Variants in SGCD observed in about 807,000 individuals in gnomAD.
SGCD encodes sarcoglycan delta.
A neutral mutation model predicts 36.6 loss-of-function variants in SGCD; 18 were observed. The observed-to-expected ratio is 0.49, with a 90% CI of 0.34 to 0.73. The LOEUF (loss-of-function observed/expected upper bound fraction) is 0.73. Among genes scored for constraint, SGCD ranks in the 30% least tolerant of loss-of-function variants. SGCD has a pLI of 0.01. For missense variants in SGCD, 387 were observed against 346.7 expected (o/e 1.12, Z -0.92); for synonymous variants, 133 against 130.6 (o/e 1.02, Z -0.12).
At chr5:156,129,557 G>A in intron 3 of SGCD, among the ~76,000 whole-genome samples, 1 of 152,178 alleles carries the variant, frequency 6.6e-6, no homozygotes, top group East Asian at 1.9e-4. Flanking sequence ...GCGTCACAGG[G>A]GTTTGCTGTA....
chr5:155,798,022 A>G, the SGCD span, among the ~76,000 whole-genome samples: 13 of 152,296 alleles, frequency 8.5e-5, no homozygotes, highest in Admixed American at 7.2e-4. Context: ...ACCCACTGGG[A>G]AAACAGGTAG....
chr5:156,070,704 T>C (rs553129791), intron 1 of SGCD, among the ~76,000 whole-genome samples: 1 of 152,188 alleles, frequency 6.6e-6, no homozygotes, highest in African/African-American at 2.4e-5. Flanking sequence ...TCAGAAGGAA[T>C]GGTACCAGTT....
Position 155,959,525 on chromosome 5 carries a change from A to T in SGCD, c.-282+89101A>T, listed in dbSNP as rs183556413. On this transcript the variant is annotated intron_variant, in intron 1 of 9. Transcript: ENST00000517913. The stretch of plus-strand genomic sequence containing the variant: ...CCAATTATCCTAAGACTCCCCCAAC[A>T]TTATGGTTTAGAAAGCCTTATGTTA... Among the ~76,000 whole-genome samples, 31 of 152,176 alleles carry T rather than the reference A, an allele frequency of 2.0e-4. No homozygotes were observed. The East Asian group carries it at 6.0e-3, about 30-fold the overall frequency.
chr5:156,360,799 C>G (rs532247748), intron 3 of SGCD, among the ~76,000 whole-genome samples: 3 of 152,088 alleles, frequency 2.0e-5, no homozygotes, highest in African/African-American at 2.4e-5. Flanking sequence ...CTACTGAGAG[C>G]CATTTTCATC....
chr5:156,184,289 A>G (rs1763680152), intron 3 of SGCD, among the ~76,000 whole-genome samples: 1 of 152,034 alleles, frequency 6.6e-6, no homozygotes, highest in Admixed American at 6.5e-5. Flanking sequence ...GATGGTGACC[A>G]TCTGTCCTAG....
the SGCD span, among the ~76,000 whole-genome samples, chr5:155,739,441 A>C: frequency 2.6e-3 from 401 of 152,354 alleles, 3 homozygotes; most frequent in Non-Finnish European, 4.3e-3. Flanking sequence ...TTGATTCCTA[A>C]GAGAGCTGCT....
At chr5:156,404,521 G>A (rs776871660) in intron 3 of SGCD, among the ~76,000 whole-genome samples, 9 of 152,120 alleles carry the variant, frequency 5.9e-5, no homozygotes, top group Non-Finnish European at 1.3e-4. Context: ...TTTACCCCTA[G>A]TACATCCAGA....
chr5:156,110,120 T>A (rs542050307), intron 1 of SGCD, among the ~76,000 whole-genome samples: 60 of 152,326 alleles, frequency 3.9e-4, no homozygotes, highest in Non-Finnish European at 5.7e-4. Flanking sequence ...AGCACAGTGC[T>A]GTGGTTACAA....
chr5:156,622,640 G>A (rs998858248), intron 6 of SGCD, among the ~76,000 whole-genome samples: 3 of 151,912 alleles, frequency 2.0e-5, no homozygotes, highest in Non-Finnish European at 2.9e-5. Context: ...GGGGAAAACC[G>A]TATTTTTATG....
intron 1 of SGCD, among the ~76,000 whole-genome samples, chr5:156,059,184 G>A (rs894799941): frequency 2.1e-5 from 3 of 145,208 alleles, no homozygotes; most frequent in South Asian, 2.2e-4. Flanking sequence ...GTCCCACCTC[G>A]TGAATGACTA....
chr5:156,364,166 G>T (rs1306128040), intron 3 of SGCD, among the ~76,000 whole-genome samples: 6 of 142,152 alleles, frequency 4.2e-5, no homozygotes, highest in Non-Finnish European at 7.4e-5. Flanking sequence ...AGTTATGCTG[G>T]GATTATGACA....
chr5:156,152,639 C>A (rs1171740019), intron 3 of SGCD, among the ~76,000 whole-genome samples: 1 of 151,608 alleles, frequency 6.6e-6, no homozygotes, highest in Non-Finnish European at 1.5e-5. Flanking sequence ...TGTTGACTAC[C>A]TGTTGAAATG....
At chr5:156,278,087 G>T (rs555480241) in intron 3 of SGCD, among the ~76,000 whole-genome samples, 42 of 152,196 alleles carry the variant, frequency 2.8e-4, no homozygotes, top group Non-Finnish European at 5.6e-4. Context: ...ACTTAAAGAT[G>T]AGAAGGAGCC....
chr5:156,212,994 A>C (rs946804056), intron 3 of SGCD, among the ~76,000 whole-genome samples: 2 of 152,084 alleles, frequency 1.3e-5, no homozygotes, highest in African/African-American at 4.8e-5. Context: ...GGGACATAGA[A>C]AATGCCAATT....
intron 3 of SGCD, among the ~76,000 whole-genome samples, chr5:156,415,571 A>G (rs1185411153): frequency 2.0e-5 from 3 of 152,200 alleles, no homozygotes; most frequent in Non-Finnish European, 2.9e-5. Flanking sequence ...ACTGGTCTTG[A>G]CACGAAATGA....
chr5:156,630,201 G>A (rs1762581531), intron 6 of SGCD, among the ~76,000 whole-genome samples: 1 of 152,132 alleles, frequency 6.6e-6, no homozygotes, highest in South Asian at 2.1e-4. Flanking sequence ...AAGTCTGATA[G>A]CAAATACAAA....
intron 3 of SGCD, among the ~76,000 whole-genome samples, chr5:156,391,291 C>T (rs1771547796): frequency 6.6e-6 from 1 of 152,164 alleles, no homozygotes; most frequent in Admixed American, 6.5e-5. Flanking sequence ...GTAGCACGCT[C>T]TACTATCTAG....
intron 1 of SGCD, among the ~76,000 whole-genome samples, chr5:155,903,016 T>G (rs1410463502): frequency 1.3e-5 from 2 of 152,214 alleles, no homozygotes; most frequent in Non-Finnish European, 2.9e-5. Context: ...GCAATGATTA[T>G]TTATGTACTT....
intron 2 of SGCD, among the ~76,000 whole-genome samples, chr5:156,123,292 A>T (rs1053841949): frequency 6.6e-5 from 10 of 152,102 alleles, no homozygotes; most frequent in African/African-American, 2.2e-4. Context: ...GTGTATAGAG[A>T]AGAGGCTCAG....
Sources: allele counts gnomAD v4.1 joint callset (sites outside exome capture counted in the v4.1 genomes callset), GRCh38; gene constraint gnomAD v4.1.1; transcripts MANE v1.5; gene names NCBI Gene and HGNC (gene_info 2026-07-23, HGNC 2026-07-21).